HERPUD2: variants seen among roughly 807,000 people sequenced by gnomAD.
The protein encoded by HERPUD2 is HERPUD family member 2.
In HERPUD2, 13 loss-of-function variants were observed where a neutral mutation model predicts 49.9. The ratio of observed to expected loss-of-function variants is 0.26; its 90% CI spans 0.17 to 0.41. HERPUD2 has a LOEUF of 0.41. Ranked by LOEUF, HERPUD2 falls within the 10% of genes least tolerant of loss-of-function variation. HERPUD2 has a pLI of 1.00. For synonymous variants in HERPUD2, 172 were observed against 171.4 expected, an observed-to-expected ratio of 1.00 and a Z score of -0.03; for missense variants, 449 against 492.2, an observed-to-expected ratio of 0.91 and a Z score of 0.83.
intron 5 of HERPUD2, among the ~76,000 whole-genome samples, chr7:35,653,316 G>GT (rs1181472770): frequency 6.6e-6 from 1 of 152,042 alleles, no homozygotes; most frequent in African/African-American, 2.4e-5. Flanking sequence ...TTTAAAAACA[G>GT]TAACAACAAA....
In HERPUD2 at chr7:35,678,580, C is replaced by T. The variant is rs1238373349; in HGVS notation, c.148-5302G>A. On this transcript the variant is annotated intron_variant, in intron 2 of 8. Transcript: ENST00000311350. ...CCCCCTAAAGCGCTGGGATTACAGG[C>T]GCGAGCCACCACGCCCAGCCTAAAG... Among the ~76,000 whole-genome samples the T allele has an allele frequency of 3.9e-5, 6 of 152,288 alleles. No homozygotes were observed. The East Asian group carries it at 1.2e-3, about 29-fold the overall frequency.
At chr7:35,659,006 C>T (rs1034819235) in intron 5 of HERPUD2, among the ~76,000 whole-genome samples, 1 of 152,152 alleles carries the variant, frequency 6.6e-6, no homozygotes, top group Non-Finnish European at 1.5e-5. Flanking sequence ...CAGAAATGAG[C>T]AATTTTCAGT....
intron 5 of HERPUD2, among the ~76,000 whole-genome samples, chr7:35,643,299 C>G (rs1276468802): frequency 6.6e-6 from 1 of 152,164 alleles, no homozygotes; most frequent in Non-Finnish European, 1.5e-5. Flanking sequence ...ATCCTAAATA[C>G]AGCAAAGCCA....
At chr7:35,662,059 A>T (rs931733692) in intron 5 of HERPUD2, among the ~76,000 whole-genome samples, 1 of 152,148 alleles carries the variant, frequency 6.6e-6, no homozygotes, top group Admixed American at 6.5e-5. Flanking sequence ...ATCAATACCT[A>T]ATTTATTGAG....
chr7:35,688,215 C>G (rs1786106013), intron 2 of HERPUD2, among the ~76,000 whole-genome samples: 1 of 152,160 alleles, frequency 6.6e-6, no homozygotes, highest in African/African-American at 2.4e-5. Context: ...TAGAACACAT[C>G]TCCTTCCCAT....
At chr7:35,693,051 G>A (rs113637746) in intron 2 of HERPUD2, among the ~76,000 whole-genome samples, 12 of 152,290 alleles carry the variant, frequency 7.9e-5, no homozygotes, top group African/African-American at 2.9e-4. Flanking sequence ...GAATGCGAAA[G>A]CCTCACTTTC....
chr7:35,663,004 T>C (rs977266204), intron 5 of HERPUD2, among the ~76,000 whole-genome samples: 5 of 152,248 alleles, frequency 3.3e-5, no homozygotes, highest in Non-Finnish European at 7.3e-5. Context: ...CTTGTGGGCA[T>C]TTAGTGCTAT....
chr7:35,652,430 G>C (rs1402186289), intron 5 of HERPUD2, among the ~76,000 whole-genome samples: 1 of 152,152 alleles, frequency 6.6e-6, no homozygotes, highest in Non-Finnish European at 1.5e-5. Flanking sequence ...TAGTCAAACT[G>C]TCAAAGGCAA....
chr7:35,648,902 T>C (rs574579904), intron 5 of HERPUD2, among the ~76,000 whole-genome samples: 53 of 152,232 alleles, frequency 3.5e-4, no homozygotes, highest in Non-Finnish European at 7.3e-5. Flanking sequence ...TCCATCAATA[T>C]ATGTGTGAAC....
intron 3 of HERPUD2, among the ~76,000 whole-genome samples, chr7:35,672,098 T>C (rs1019518039): frequency 2.0e-5 from 3 of 151,610 alleles, no homozygotes; most frequent in Admixed American, 1.3e-4. Context: ...TGACTTTGGG[T>C]GATAATGTAT....
intron 2 of HERPUD2, among the ~76,000 whole-genome samples, chr7:35,678,442 A>C (rs1209811789): frequency 1.3e-5 from 2 of 152,092 alleles, no homozygotes. Flanking sequence ...CTGGGATTAC[A>C]GTCGTGCACC....
intron 2 of HERPUD2, among the ~76,000 whole-genome samples, chr7:35,679,455 CAGT>C (rs1184356079): frequency 3.3e-5 from 5 of 152,100 alleles, no homozygotes; most frequent in Admixed American, 2.6e-4. Context: ...AGTCTGTCAG[CAGT>C]AGGAGGAAAA....
rs187873937 is a variant in HERPUD2, at chr7:35,692,704, C to T, written c.147+1480G>A. 3.9e-5 allele frequency among the ~76,000 whole-genome samples: 6 copies of T among 152,238 alleles called. No homozygotes were observed. In the East Asian group the frequency reaches 1.2e-3, roughly 29 times the overall value. On this transcript the variant is annotated intron_variant, in intron 2 of 8. Coordinates refer to ENST00000311350, the MANE Select transcript of HERPUD2 (RefSeq NM_022373.5). ...AAGTACTGATAAACACAGCTAATGC[C>T]GATTAAGAGTTGTTTTTCTAAACCT...
intron 5 of HERPUD2, among the ~76,000 whole-genome samples, chr7:35,642,337 G>A (rs1315494386): frequency 6.6e-6 from 1 of 152,146 alleles, no homozygotes; most frequent in Non-Finnish European, 1.5e-5. Context: ...GCAGAGAAAA[G>A]TGAACACTTC....
chr7:35,672,080 T>G (rs1375535850), intron 3 of HERPUD2, among the ~76,000 whole-genome samples: 1 of 151,942 alleles, frequency 6.6e-6, no homozygotes, highest in Admixed American at 6.6e-5. Flanking sequence ...AACCCTAACA[T>G]AAACTACTGA....
intron 5 of HERPUD2, among the ~76,000 whole-genome samples, chr7:35,646,650 A>C (rs1785059091): frequency 6.6e-6 from 1 of 152,228 alleles, no homozygotes; most frequent in Admixed American, 6.5e-5. Flanking sequence ...AAAGCAAAAT[A>C]AAATAGCAGA....
chr7:35,670,767 AT>A (rs967330629), intron 3 of HERPUD2, among the ~76,000 whole-genome samples: 6 of 151,938 alleles, frequency 3.9e-5, no homozygotes, highest in East Asian at 3.8e-4. Context: ...TAGCAAGGTG[AT>A]TTTTTTTACT....
At chr7:35,670,394 G>T in intron 3 of HERPUD2, 66 bp from the exon 4 acceptor site, 1 of 658,782 alleles carries the variant, frequency 1.5e-6, no homozygotes, top group Non-Finnish European at 2.4e-6. Context: ...AAAGTCAGTA[G>T]CTAAACTGAA....
intron 5 of HERPUD2, among the ~76,000 whole-genome samples, chr7:35,641,140 A>C (rs1240136196): frequency 6.6e-6 from 1 of 152,222 alleles, no homozygotes; most frequent in Admixed American, 6.5e-5. Context: ...AATCATTAGG[A>C]TATCAACTAT....
Sources: gnomAD v4.1 joint callset for allele counts (sites outside exome capture counted in the v4.1 genomes callset) on GRCh38, gnomAD v4.1.1 for gene constraint, MANE v1.5 for transcripts, NCBI Gene and HGNC (gene_info 2026-07-23, HGNC 2026-07-21) for gene names.